Variants in LATS1 observed in about 807,000 individuals in gnomAD.
LATS1 encodes the protein serine/threonine-protein kinase LATS1.
In LATS1, 25 loss-of-function variants were observed where a neutral mutation model predicts 106.6. The ratio of observed to expected loss-of-function variants is 0.23; its 90% CI spans 0.17 to 0.33. The LOEUF (loss-of-function observed/expected upper bound fraction) is 0.33. Ranked by LOEUF, LATS1 falls within the 10% of genes least tolerant of loss-of-function variation. The pLI, the probability that LATS1 is intolerant of heterozygous loss-of-function variation, is 1.00. For missense variants in LATS1, 1,040 were observed against 1,382.6 expected (o/e 0.75, Z 3.93); for synonymous variants, 465 against 455.6 (o/e 1.02, Z -0.26).
At chr6:149,696,886 A>G (rs1468328808) in intron 2 of LATS1, among the ~76,000 whole-genome samples, 1 of 152,138 alleles carries the variant, frequency 6.6e-6, no homozygotes, top group African/African-American at 2.4e-5. Flanking sequence ...TCAGAGGCTC[A>G]GTGTCTTTGC....
intron 1 of LATS1, among the ~76,000 whole-genome samples, chr6:149,714,083 T>C (rs1353819117): frequency 2.0e-5 from 3 of 152,074 alleles, no homozygotes; most frequent in Non-Finnish European, 4.4e-5. Context: ...GTGATTCTCA[T>C]GCCTCAGCCT....
intron 6 of LATS1, 54 bp downstream of exon 6, chr6:149,676,501 C>G: frequency 6.5e-7 from 1 of 1,529,938 alleles, no homozygotes; most frequent in Non-Finnish European, 9.0e-7. Context: ...ATTCTAGTGT[C>G]GTTTTGGCTG....
intron 1 of LATS1, among the ~76,000 whole-genome samples, chr6:149,708,780 A>G (rs1783930988): frequency 6.6e-6 from 1 of 152,214 alleles, no homozygotes; most frequent in African/African-American, 2.4e-5. Flanking sequence ...TGAGCAAGAG[A>G]AACATTTCTG....
intron 2 of LATS1, 89 bp from the exon 3 acceptor site, chr6:149,695,310 A>G (rs1782995696): frequency 1.3e-6 from 1 of 776,654 alleles, no homozygotes; most frequent in Non-Finnish European, 2.0e-6. Flanking sequence ...TCCACTAGAG[A>G]AATCCATAAT....
chr6:149,679,048 A>G (rs1781886924), intron 5 of LATS1, among the ~76,000 whole-genome samples: 1 of 152,194 alleles, frequency 6.6e-6, no homozygotes, highest in Non-Finnish European at 1.5e-5. Context: ...GTTAAAGAGT[A>G]GGCAAAATGA....
chr6:149,692,716 C>T (rs1208508632), intron 3 of LATS1, among the ~76,000 whole-genome samples: 1 of 150,860 alleles, frequency 6.6e-6, no homozygotes, highest in East Asian at 2.0e-4. Context: ...ATCTTGTTGC[C>T]CAGGCTGGAG....
intron 3 of LATS1, among the ~76,000 whole-genome samples, chr6:149,686,328 A>T (rs998691554): frequency 3.3e-5 from 5 of 152,242 alleles, no homozygotes; most frequent in Non-Finnish European, 7.3e-5. Flanking sequence ...TCCTCTGGCC[A>T]TCAGGCTCTT....
intron 3 of LATS1, among the ~76,000 whole-genome samples, chr6:149,684,861 G>A (rs1029149732): frequency 2.0e-5 from 3 of 152,022 alleles, no homozygotes; most frequent in African/African-American, 7.2e-5. Flanking sequence ...CATGTTATTT[G>A]GCTCAATTTA....
rs919980876 is a variant in LATS1, at chr6:149,660,453, C to T, written c.*1276G>A. The T allele has an allele frequency of 8.6e-6, 2 of 232,948 alleles. No homozygotes were observed. Among genetic ancestry groups the T allele is most frequent in the African/African-American group, 4.4e-5 (2 of 45,320 alleles). The allele number at this position is 232,948 out of a possible 1,614,324, so 14.4% of individuals were successfully genotyped here. On this transcript the variant is annotated 3_prime_UTR_variant, in exon 8 of 8. Transcript: ENST00000543571. ...TATGCCTCCAATCTACAAATAGTAA[C>T]TTTTGATAAAAACAATCCCTTATCA...
chr6:149,663,702 A>G, intron 7 of LATS1, among the ~76,000 whole-genome samples: 1 of 151,710 alleles, frequency 6.6e-6, no homozygotes. Context: ...TATTTTAAAA[A>G]CCCTTTTTGG....
rs772855635 is a variant in LATS1 at position 149,695,134 on chromosome 6, G to A, written c.436C>T (p.Pro146Ser). ...EFISKMSYQDPRREQMAAAAA... is the reference protein window; with the variant it reads ...EFISKMSYQDSRREQMAAAAA... ...GCTGCAGCCATCTGCTCTCGTCGAG[G>A]ATCTTGGTAACTCATTTTACTAATG... The change falls in exon 3 of 8, where the codon CCT (proline) becomes TCT (serine). Residue 146 changes from proline to serine, a missense_variant. This residue lies in a region of LATS1 where 624 missense variants were observed against 714.8 expected (regional missense o/e 0.87). Transcript: ENST00000543571. The A allele has an allele frequency of 9.3e-6, 15 of 1,613,116 alleles. No individual in the cohort carries two copies. The East Asian group carries it at 3.1e-4, about 34-fold the overall frequency.
rs910687769 is a variant in LATS1, at chr6:149,697,444, C to T, written c.349-2223G>A. ...ACCAAGAAGTAAAATTTAAGATATTCATAAGAGTCCTAGGCTCTGAAATCT... is the reference window on the plus strand; with the variant it reads ...ACCAAGAAGTAAAATTTAAGATATTTATAAGAGTCCTAGGCTCTGAAATCT... On this transcript the variant is annotated intron_variant, in intron 2 of 7. Coordinates refer to ENST00000543571, the MANE Select transcript of LATS1 (RefSeq NM_004690.4). 2.6e-5 allele frequency among the ~76,000 whole-genome samples: 4 copies of T among 152,140 alleles called. No homozygotes were observed. The South Asian group carries it at 8.3e-4, about 32-fold the overall frequency.
chr6:149,661,451 A>G lies in LATS1; in HGVS notation c.*278T>C, dbSNP rs1780879908. The G allele has an allele frequency of 3.1e-6, 1 of 318,652 alleles. No individual in the cohort carries two copies. Among genetic ancestry groups the G allele is most frequent in the East Asian group, 4.8e-5 (1 of 20,978 alleles). The allele number at this position is 318,652 out of a possible 1,614,324, so 19.7% of individuals were successfully genotyped here. Reference sequence around the variant, plus strand: ...CCAGGTTTCTCCTTTTAAACAAAGCACTACTTATTTTAAGTACTTTAAGTA... The same window carrying G: ...CCAGGTTTCTCCTTTTAAACAAAGCGCTACTTATTTTAAGTACTTTAAGTA... On this transcript the variant is annotated 3_prime_UTR_variant, in exon 8 of 8. Coordinates refer to ENST00000543571, the MANE Select transcript of LATS1 (RefSeq NM_004690.4).
chr6:149,689,780 G>A (rs776876785), intron 3 of LATS1, among the ~76,000 whole-genome samples: 3 of 152,084 alleles, frequency 2.0e-5, no homozygotes, highest in South Asian at 2.1e-4. Context: ...ACCTAGGCCC[G>A]TCTGCTGCTG....
intron 1 of LATS1, among the ~76,000 whole-genome samples, chr6:149,708,251 C>T (rs1423844729): frequency 6.6e-6 from 1 of 151,994 alleles, no homozygotes; most frequent in African/African-American, 2.4e-5. Context: ...CCCGTCTCTA[C>T]TAAAAACACA....
At chr6:149,662,719 T>C (rs1218083554) in intron 7 of LATS1, among the ~76,000 whole-genome samples, 2 of 152,018 alleles carry the variant, frequency 1.3e-5, no homozygotes, top group Non-Finnish European at 2.9e-5. Flanking sequence ...CCCAGCACCC[T>C]GGGAGGCGGA....
At position 149,661,755 on chromosome 6, in the gene LATS1, T is replaced by C. The variant is rs770691892; in HGVS notation, c.3367A>G (p.Lys1123Glu). Residue 1123 changes from lysine to glutamate, a missense_variant, in exon 8 of 8, where the codon AAA (lysine) becomes GAA (glutamate). By Grantham distance (56) the Lys-to-Glu change is moderately conservative. This residue lies in a region of LATS1 where 46 missense variants were observed against 42.4 expected (regional missense o/e 1.09). Transcript: ENST00000543571. ...TAAACATATACTAGATCGCGATTTT[T>C]AATCTCTGAGCCTGTGTTTTGATCA... is the stretch of plus-strand genomic sequence containing the variant. ...EDDQNTGSEIKNRDLVYV is the reference protein window; with the variant it reads ...EDDQNTGSEIENRDLVYV 8 of 1,572,146 alleles carry C rather than the reference T, an allele frequency of 5.1e-6. No homozygotes were observed. The African/African-American group carries it at 1.1e-4, about 22-fold the overall frequency.
At chr6:149,690,589 C>T (rs1741642567) in intron 3 of LATS1, among the ~76,000 whole-genome samples, 1 of 151,032 alleles carries the variant, frequency 6.6e-6, no homozygotes, top group Admixed American at 6.6e-5. Context: ...CTCTATTGCT[C>T]AGGCTGGAGT....
intron 7 of LATS1, among the ~76,000 whole-genome samples, chr6:149,669,798 T>C (rs1351527962): frequency 6.6e-6 from 1 of 151,608 alleles, no homozygotes; most frequent in Non-Finnish European, 1.5e-5. Context: ...ACAACATAAA[T>C]AGTAGAGAAT....
Sources: allele counts gnomAD v4.1 joint callset (sites outside exome capture counted in the v4.1 genomes callset), GRCh38; gene constraint gnomAD v4.1.1; regional missense constraint gnomAD v4.1.1; transcripts MANE v1.5; gene names NCBI Gene and HGNC (gene_info 2026-07-23, HGNC 2026-07-21).